Variants in NT5C1B observed in about 807,000 individuals in gnomAD.
NT5C1B encodes 5'-nucleotidase, cytosolic IB.
Under a neutral mutation model 57.8 loss-of-function variants are expected in NT5C1B, and 44 were observed. That is an observed-to-expected ratio of 0.76 (90% confidence interval 0.60 to 0.98). The LOEUF (loss-of-function observed/expected upper bound fraction) is 0.98, where lower values mean the gene tolerates loss of function less well. Ranked by LOEUF, NT5C1B falls within the 50% of genes least tolerant of loss-of-function variation. NT5C1B has a pLI of 0.00. For synonymous variants in NT5C1B, 284 were observed against 282.6 expected, an observed-to-expected ratio of 1.00 and a Z score of -0.05; for missense variants, 742 against 719.5, an observed-to-expected ratio of 1.03 and a Z score of -0.36.
chr2:18,579,556 A>G (rs530342181), intron 6 of NT5C1B, among the ~76,000 whole-genome samples: 4 of 152,336 alleles, frequency 2.6e-5, no homozygotes, highest in African/African-American at 9.6e-5. Context: ...TCTGTATTCA[A>G]TAAATGGTGC....
At chr2:18,587,361 CCTT>C in intron 2 of NT5C1B, 139 bp downstream of exon 2, 1 of 1,485,446 alleles carries the variant, frequency 6.7e-7, no homozygotes, top group Admixed American at 2.4e-5. Context: ...AGTTCCTTAA[CCTT>C]CTCATGAGGA....
rs762676504 is a variant in NT5C1B, at chr2:18,587,112, G to A, written c.120+391C>T. The A allele has an allele frequency of 2.5e-6, 4 of 1,614,122 alleles. No individual in the cohort carries two copies. The Admixed American group carries it at 6.7e-5, about 27-fold the overall frequency. On this transcript the variant is annotated intron_variant, in intron 2 of 8. Coordinates refer to ENST00000304081, the Ensembl canonical transcript of NT5C1B. ...AGCTGCACAAAGGCAGCGTCTACAC[G>A]ACGAGTGACCCTGGAAGGGGCAACA...
rs1327287466 is a variant in NT5C1B at position 18,584,171 on chromosome 2, C to T, written c.808G>A (p.Glu270Lys). The change falls in exon 5 of 9, where the codon GAG becomes AAG. Residue 270 changes from glutamate (E) to lysine (K), a missense_variant. Transcript: ENST00000304081. The surrounding 1 kb of genome is among the most constrained non-coding windows in gnomAD (Gnocchi z 5.8). The stretch of plus-strand genomic sequence containing the variant: ...TACTCCATGTACTTTTCCAGACCCT[C>T]TTGCTCGTAGATTTTCCTGCCGTCC... 3.7e-6 allele frequency: 6 copies of T among 1,614,164 alleles called. No homozygotes were observed. The highest frequency in any genetic ancestry group is 3.3e-5 in the South Asian group (3 of 91,068).
At chr2:18,572,538 A>G (rs1386055197) in intron 8 of NT5C1B, among the ~76,000 whole-genome samples, 1 of 152,238 alleles carries the variant, frequency 6.6e-6, no homozygotes, top group Non-Finnish European at 1.5e-5. Context: ...AGATATTTGT[A>G]AAACACACAC....
chr2:18,572,822 A>C (rs1224025863), intron 8 of NT5C1B, among the ~76,000 whole-genome samples: 3 of 152,224 alleles, frequency 2.0e-5, no homozygotes, highest in African/African-American at 4.8e-5. Flanking sequence ...CAACAATGCA[A>C]AGCAACAAAA....
intron 1 of NT5C1B, among the ~76,000 whole-genome samples, chr2:18,588,408 G>A (rs907568360): frequency 5.9e-5 from 9 of 151,968 alleles, no homozygotes; most frequent in East Asian, 5.8e-4. Context: ...ATATTCATCC[G>A]TTTATGCTCT....
chr2:18,583,262 G>A, intron 5 of NT5C1B: 1 of 289,438 alleles, frequency 3.5e-6, no homozygotes, highest in Admixed American at 4.9e-5. Flanking sequence ...TATCTCTGGG[G>A]GACAGGTAGA....
At chr2:18,586,438 C>G (rs1666719032) in intron 2 of NT5C1B, 47 bp from the exon 3 acceptor site, 1 of 1,606,994 alleles carries the variant, frequency 6.2e-7, no homozygotes, top group Middle Eastern at 1.8e-4. Flanking sequence ...CCATCACCAA[C>G]TCCTTCTATA....
intron 1 of NT5C1B, 108 bp from the exon 2 acceptor site, chr2:18,587,700 A>C: frequency 7.6e-7 from 1 of 1,316,056 alleles, no homozygotes; most frequent in Non-Finnish European, 1.0e-6. Flanking sequence ...TTTATTTGCC[A>C]ATATAAAAAG....
At chr2:18,588,324 G>A (rs1666911187) in intron 1 of NT5C1B, among the ~76,000 whole-genome samples, 1 of 152,154 alleles carries the variant, frequency 6.6e-6, no homozygotes, top group Admixed American at 6.5e-5. Context: ...GCTGCAATGT[G>A]ATCAAGATTA....
chr2:18,583,278 G>T, intron 5 of NT5C1B: 1 of 259,824 alleles, frequency 3.8e-6, no homozygotes, highest in Non-Finnish European at 7.3e-6. Flanking sequence ...GTAGAGAGTA[G>T]GGTCAGGCTA....
chr2:18,581,248 C>CT (rs1666156731), intron 6 of NT5C1B, among the ~76,000 whole-genome samples: 1 of 152,050 alleles, frequency 6.6e-6, no homozygotes, highest in African/African-American at 2.4e-5. Flanking sequence ...GTATCAAGAG[C>CT]TTTTAACAGG....
At chr2:18,585,741 G>A (rs1056928970) in intron 3 of NT5C1B, among the ~76,000 whole-genome samples, 1 of 152,146 alleles carries the variant, frequency 6.6e-6, no homozygotes, top group Non-Finnish European at 1.5e-5. Context: ...AGTCAAATCC[G>A]ATAGAGATGA....
intron 1 of NT5C1B, among the ~76,000 whole-genome samples, chr2:18,587,916 GT>G (rs964799536): frequency 1.3e-5 from 2 of 150,332 alleles, no homozygotes; most frequent in South Asian, 2.1e-4. Flanking sequence ...GAATAAGTTT[GT>G]TTTTTTTTCT....
At chr2:18,586,433 A>G in intron 2 of NT5C1B, 42 bp from the exon 3 acceptor site, 3 of 1,608,912 alleles carry the variant, frequency 1.9e-6, no homozygotes, top group Non-Finnish European at 2.5e-6. Flanking sequence ...AAACCCCATC[A>G]CCAACTCCTT....
chr2:18,587,884 G>A (rs1666864831), intron 1 of NT5C1B, among the ~76,000 whole-genome samples: 1 of 152,096 alleles, frequency 6.6e-6, no homozygotes, highest in Non-Finnish European at 1.5e-5. Context: ...AAATATTAGA[G>A]AATTGTGAAG....
At chr2:18,576,802 G>A in exon 7 of NT5C1B, 1 of 1,613,760 alleles carries the variant, frequency 6.2e-7, no homozygotes, top group Non-Finnish European at 8.5e-7. Context: ...CACTTTTTCA[G>A]AATCTGCAGC....
chr2:18,573,758 T>C (rs1665420727), intron 8 of NT5C1B, among the ~76,000 whole-genome samples: 1 of 152,104 alleles, frequency 6.6e-6, no homozygotes, highest in Admixed American at 6.5e-5. Context: ...TTCTCATCAG[T>C]GGAACACACC....
intron 1 of NT5C1B, among the ~76,000 whole-genome samples, chr2:18,588,245 T>C (rs1266969985): frequency 2.0e-5 from 3 of 152,230 alleles, no homozygotes; most frequent in African/African-American, 7.2e-5. Context: ...CAAATATTTA[T>C]GTTTTCATTT....
Sources: allele counts gnomAD v4.1 joint callset (sites outside exome capture counted in the v4.1 genomes callset), GRCh38; gene constraint gnomAD v4.1.1; non-coding constraint Gnocchi (gnomAD v3.1); transcripts MANE v1.5; gene names NCBI Gene and HGNC (gene_info 2026-07-23, HGNC 2026-07-21).